Variants in FAM227B observed in about 807,000 individuals in gnomAD.
FAM227B encodes family with sequence similarity 227 member B, also known as protein FAM227B.
Under a neutral mutation model 73.8 loss-of-function variants are expected in FAM227B, and 88 were observed. The observed-to-expected ratio is 1.19, with a 90% CI of 1.00 to 1.42. FAM227B has a LOEUF of 1.42. Among genes scored for constraint, FAM227B ranks in the 40% most tolerant of loss-of-function variants. FAM227B has a pLI of 0.00. For missense variants in FAM227B, 632 were observed against 590.9 expected (o/e 1.07, Z -0.72); for synonymous variants, 210 against 190.5 (o/e 1.10, Z -0.84).
intron 10 of FAM227B, among the ~76,000 whole-genome samples, chr15:49,530,871 T>G (rs906100998): frequency 6.6e-6 from 1 of 151,534 alleles, no homozygotes; most frequent in Non-Finnish European, 1.5e-5. Context: ...TAAAGAAATA[T>G]AAAGAAAACC....
At chr15:49,587,670 G>A (rs1300528308) in intron 5 of FAM227B, among the ~76,000 whole-genome samples, 2 of 151,902 alleles carry the variant, frequency 1.3e-5, no homozygotes, top group Non-Finnish European at 2.9e-5. Flanking sequence ...AATTGGCAAA[G>A]TAAAGGTCAT....
chr15:49,466,053 C>A (rs944941636), intron 11 of FAM227B, among the ~76,000 whole-genome samples: 10 of 152,080 alleles, frequency 6.6e-5, no homozygotes, highest in African/African-American at 2.4e-4. Context: ...GAGGTGGGTG[C>A]TAATTAATAG....
chr15:49,518,706 C>T (rs1341124725), intron 10 of FAM227B, among the ~76,000 whole-genome samples: 1 of 152,096 alleles, frequency 6.6e-6, no homozygotes, highest in Non-Finnish European at 1.5e-5. Flanking sequence ...AATTATTTTC[C>T]ACTGGGTCCC....
At chr15:49,406,412 T>C (rs1434537637) in intron 11 of FAM227B, among the ~76,000 whole-genome samples, 1 of 152,082 alleles carries the variant, frequency 6.6e-6, no homozygotes, top group East Asian at 1.9e-4. Flanking sequence ...GCGGTTGCAC[T>C]GTTGATAGTG....
chr15:49,577,633 A>G lies in FAM227B; in HGVS notation c.437T>C (p.Ile146Thr). The change falls in exon 6 of 16, where the codon ATA becomes ACA. Residue 146 changes from isoleucine (I) to threonine (T), a missense_variant. Coordinates refer to ENST00000299338, the MANE Select transcript of FAM227B (RefSeq NM_152647.3). ...LSDEMETEKN[I>T]EGCSFTGFKA... ...CAGAACAGAAATTTTAAGTACCTCT[A>G]TATTCTTCTCTGTCTCCATTTCATC... is the stretch of plus-strand genomic sequence containing the variant. 1 of 1,563,568 alleles carries G rather than the reference A, an allele frequency of 6.4e-7. No homozygotes were observed. The highest frequency in any genetic ancestry group is 8.7e-7 in the Non-Finnish European group (1 of 1,144,520).
At chr15:49,520,685 A>G (rs1336427717) in intron 10 of FAM227B, among the ~76,000 whole-genome samples, 1 of 152,158 alleles carries the variant, frequency 6.6e-6, no homozygotes, top group Admixed American at 6.5e-5. Flanking sequence ...AGATCTTGTG[A>G]GACTTATTTA....
chr15:49,327,960 GGGCTCAA>G lies in FAM227B; in HGVS notation c.*601_*607del. 6.2e-7 allele frequency: 1 copy of G among 1,607,212 alleles called. No individual in the cohort carries two copies. Among genetic ancestry groups the G allele is most frequent in the Non-Finnish European group, 8.5e-7 (1 of 1,176,152 alleles). On this transcript the variant is annotated 3_prime_UTR_variant, in exon 16 of 16. Transcript: ENST00000299338. ...TTTCCTCACTGTTTTAGGAAGTTTG[GGGCTCAA>G]GGGTCACGACTTACTGGAGCAGGAT...
At chr15:49,370,186 A>T (rs2045716314) in intron 12 of FAM227B, among the ~76,000 whole-genome samples, 1 of 152,198 alleles carries the variant, frequency 6.6e-6, no homozygotes, top group South Asian at 2.1e-4. Context: ...CTGGCAGTCC[A>T]AGCTGACTAG....
chr15:49,409,733 C>T (rs2048751836), intron 11 of FAM227B, among the ~76,000 whole-genome samples: 1 of 151,898 alleles, frequency 6.6e-6, no homozygotes, highest in Non-Finnish European at 1.5e-5. Context: ...AATTTTATTC[C>T]ACTTCTTTCC....
chr15:49,354,176 G>T (rs1027417377), intron 13 of FAM227B: 1 of 152,118 alleles, frequency 6.6e-6, no homozygotes, highest in African/African-American at 2.4e-5. Flanking sequence ...ATTTTCAATT[G>T]TTGAGTTTAA....
intron 10 of FAM227B, among the ~76,000 whole-genome samples, chr15:49,520,273 T>C (rs539147945): frequency 6.6e-6 from 1 of 152,290 alleles, no homozygotes; most frequent in South Asian, 2.1e-4. Flanking sequence ...TCTAGGAAGT[T>C]CCAAACTTTC....
In FAM227B at chr15:49,423,896, G is replaced by T. The variant is rs576811781; in HGVS notation, c.1013-52497C>A. On this transcript the variant is annotated intron_variant, in intron 11 of 15. Transcript: ENST00000299338. ...AAAGATTTTGACATCCTCTGTGAAG[G>T]CTGTTTTAAATGTATCTTCAAAGAA... 7.8e-4 allele frequency: 125 copies of T among 160,160 alleles called. No homozygotes were observed. The South Asian group carries it at 0.013, about 17-fold the overall frequency. The allele number at this position is 160,160 out of a possible 1,614,324, so 9.9% of individuals were successfully genotyped here.
intron 9 of FAM227B, among the ~76,000 whole-genome samples, chr15:49,566,127 C>G (rs960568071): frequency 2.0e-5 from 3 of 152,180 alleles, no homozygotes; most frequent in Non-Finnish European, 2.9e-5. Flanking sequence ...AATACAGTCA[C>G]TTAATCTATT....
chr15:49,519,339 C>T (rs1181265868), intron 10 of FAM227B, among the ~76,000 whole-genome samples: 1 of 152,218 alleles, frequency 6.6e-6, no homozygotes, highest in Non-Finnish European at 1.5e-5. Flanking sequence ...CCTCTTCTCA[C>T]AGCTCCACTA....
At chr15:49,395,918 G>A (rs2047553900) in intron 11 of FAM227B, 3 of 455,664 alleles carry the variant, frequency 6.6e-6, no homozygotes, top group African/African-American at 2.0e-5. Flanking sequence ...CTTAATTTAA[G>A]GCCCATGAAT....
intron 11 of FAM227B, among the ~76,000 whole-genome samples, chr15:49,499,634 C>T (rs2152085359): frequency 6.6e-6 from 1 of 152,186 alleles, no homozygotes; most frequent in South Asian, 2.1e-4. Flanking sequence ...CTTATAGTAC[C>T]TAACTTCAAG....
At chr15:49,458,875 A>T (rs1412335042) in intron 11 of FAM227B, among the ~76,000 whole-genome samples, 1 of 152,138 alleles carries the variant, frequency 6.6e-6, no homozygotes, top group Non-Finnish European at 1.5e-5. Flanking sequence ...TTTTTTCTAG[A>T]CTGACCAACA....
intron 10 of FAM227B, among the ~76,000 whole-genome samples, chr15:49,520,918 T>C (rs16962583): frequency 0.053 from 8,010 of 152,082 alleles, 362 homozygotes; most frequent in East Asian, 0.24. Flanking sequence ...AGTGAAAGGA[T>C]AGGTGGAAAT....
At position 49,489,806 on chromosome 15, in the gene FAM227B, TATATATATATATATTTTA is replaced by T. The variant is rs2056759106; in HGVS notation, c.1012+18387_1012+18404del. On this transcript the variant is annotated intron_variant, in intron 11 of 15. Transcript: ENST00000299338. ...ACAGGAGATATATATATATATTTTATATATATATATATATTTTATATATATATATATATTTTATATATA... is the reference window on the plus strand; with the variant it reads ...ACAGGAGATATATATATATATTTTATTATATATATATATATTTTATATATA... Among the ~76,000 whole-genome samples the T allele has an allele frequency of 1.6e-4, 6 of 36,658 alleles. 1 individual carries two copies. The highest frequency in any genetic ancestry group is 2.7e-4 in the Non-Finnish European group (5 of 18,724). 24.0% of individuals were successfully genotyped at this position (36,658 alleles called of 152,430 possible).
Sources: gnomAD v4.1 joint callset for allele counts (sites outside exome capture counted in the v4.1 genomes callset) on GRCh38, gnomAD v4.1.1 for gene constraint, MANE v1.5 for transcripts, NCBI Gene and HGNC (gene_info 2026-07-23, HGNC 2026-07-21) for gene names.